Variants in CRISPLD2 observed in about 807,000 individuals in gnomAD.
CRISPLD2 encodes cysteine rich secretory protein LCCL domain containing 2.
In CRISPLD2, 47 loss-of-function variants were observed where a neutral mutation model predicts 71.1. That is an observed-to-expected ratio of 0.66 (90% confidence interval 0.52 to 0.84). CRISPLD2 has a LOEUF of 0.84. Ranked by LOEUF, CRISPLD2 falls within the 40% of genes least tolerant of loss-of-function variation. The pLI is 0.00. For missense variants in CRISPLD2, 830 were observed against 651.1 expected (o/e 1.27, Z -2.99); for synonymous variants, 317 against 250.1 (o/e 1.27, Z -2.52).
Position 84,845,831 on chromosome 16 carries a change from C to G in CRISPLD2, c.286C>G (p.Gln96Glu), listed in dbSNP as rs1916898488. The G allele has an allele frequency of 6.2e-7, 1 of 1,614,054 alleles. No homozygotes were observed. The highest frequency in any genetic ancestry group is 8.5e-7 in the Non-Finnish European group (1 of 1,179,932). ...GAAGTCTGCTGCAGCGTGGGCCAGT[C>G]AGTGCATCTGGGAGCACGGGCCCAC... ...LEKSAAAWAS[Q>E]CIWEHGPTSL... The change falls in exon 3 of 15, where the codon CAG becomes GAG. Residue 96 changes from glutamine (Q) to glutamate (E), a missense_variant. By Grantham distance (29) the Gln-to-Glu change is conservative (BLOSUM62 2). Transcript: ENST00000262424.
intron 1 of CRISPLD2, among the ~76,000 whole-genome samples, chr16:84,829,809 C>T (rs1258124324): frequency 6.6e-6 from 1 of 152,220 alleles, no homozygotes. Context: ...GGGCTATTGT[C>T]ACAGTGGCCT....
intron 13 of CRISPLD2, among the ~76,000 whole-genome samples, chr16:84,887,781 CAG>C (rs1458793854): frequency 6.6e-6 from 1 of 152,118 alleles, no homozygotes; most frequent in African/African-American, 2.4e-5. Flanking sequence ...GAGGCTGAGG[CAG>C]AAGAACCACT....
chr16:84,884,758 C>G (rs1030336270), intron 13 of CRISPLD2, among the ~76,000 whole-genome samples: 122 of 152,184 alleles, frequency 8.0e-4, no homozygotes, highest in African/African-American at 2.8e-3. Flanking sequence ...CGCCCTGCAG[C>G]TTGATGTTAT....
intron 12 of CRISPLD2, among the ~76,000 whole-genome samples, chr16:84,878,877 T>C (rs995335142): frequency 1.3e-5 from 2 of 152,202 alleles, no homozygotes; most frequent in Non-Finnish European, 2.9e-5. Flanking sequence ...CTTAGCTCCA[T>C]TGTAGAATTA....
chr16:84,897,399 G>A (rs1361901837), intron 14 of CRISPLD2, among the ~76,000 whole-genome samples: 1 of 152,084 alleles, frequency 6.6e-6, no homozygotes, highest in East Asian at 1.9e-4. Flanking sequence ...AGGCTACAGT[G>A]AGTGGAGATT....
At chr16:84,867,541 C>T (rs975277859) in intron 7 of CRISPLD2, among the ~76,000 whole-genome samples, 3 of 152,214 alleles carry the variant, frequency 2.0e-5, no homozygotes, top group Non-Finnish European at 2.9e-5. Context: ...TGAGGTCTCC[C>T]TGTACATTGA....
At chr16:84,833,861 A>G (rs1479913435) in intron 1 of CRISPLD2, among the ~76,000 whole-genome samples, 1 of 152,168 alleles carries the variant, frequency 6.6e-6, no homozygotes, top group African/African-American at 2.4e-5. Flanking sequence ...TGACTCCCCC[A>G]GCCCAGCAGC....
At position 84,906,693 on chromosome 16, in the gene CRISPLD2, T is replaced by A. The variant is rs760553173; in HGVS notation, c.*51T>A. 1.9e-6 allele frequency: 3 copies of A among 1,602,038 alleles called. No individual in the cohort carries two copies. Among genetic ancestry groups the A allele is most frequent in the Non-Finnish European group, 2.6e-6 (3 of 1,169,064 alleles). ...CGTCTTCAGGAGGGCTTCGGGGTTT[T>A]GCTTTTATTTTTATTTTGTCATTGC... On this transcript the variant is annotated 3_prime_UTR_variant, in exon 15 of 15. Transcript: ENST00000262424.
At chr16:84,869,148 C>T (rs2071443316) in intron 8 of CRISPLD2, among the ~76,000 whole-genome samples, 1 of 152,184 alleles carries the variant, frequency 6.6e-6, no homozygotes, top group South Asian at 2.1e-4. Flanking sequence ...CCAGTGGGCC[C>T]CACCAGACAG....
intron 1 of CRISPLD2, among the ~76,000 whole-genome samples, chr16:84,835,311 A>G (rs1916591413): frequency 6.6e-6 from 1 of 151,986 alleles, no homozygotes; most frequent in East Asian, 1.9e-4. Flanking sequence ...GCTGGTGTCG[A>G]ACTTCTCAGG....
At chr16:84,846,253 C>T (rs1597454834) in intron 3 of CRISPLD2, 1 of 202,478 alleles carries the variant, frequency 4.9e-6, no homozygotes, top group Admixed American at 5.6e-5. Context: ...CTCCCCTCCC[C>T]TTCCCTTCCT....
intron 1 of CRISPLD2, among the ~76,000 whole-genome samples, chr16:84,832,530 G>A (rs766837039): frequency 1.3e-5 from 2 of 152,264 alleles, no homozygotes; most frequent in South Asian, 2.1e-4. Context: ...AGACATCGAC[G>A]CTTCGGCGGT....
In CRISPLD2 at chr16:84,868,920, G is replaced by C; in HGVS notation, c.914+9G>C. The C allele has an allele frequency of 1.3e-6, 2 of 1,529,156 alleles. No homozygotes were observed. Among genetic ancestry groups the C allele is most frequent in the Non-Finnish European group, 1.8e-6 (2 of 1,117,166 alleles). 94.7% of individuals were successfully genotyped at this position (1,529,156 alleles called of 1,614,324 possible). Reference sequence around the variant, plus strand: ...GGGTCCACGTGTAACAGGTGAGCCTGTGCTGGGCTGTCCTGCCACTGTAGC... The same window carrying C: ...GGGTCCACGTGTAACAGGTGAGCCTCTGCTGGGCTGTCCTGCCACTGTAGC... On this transcript the variant is annotated intron_variant, in intron 8 of 14. Transcript: ENST00000262424.
chr16:84,886,430 G>A (rs995782432), intron 13 of CRISPLD2, among the ~76,000 whole-genome samples: 1 of 152,182 alleles, frequency 6.6e-6, no homozygotes, highest in Non-Finnish European at 1.5e-5. Flanking sequence ...GCCAGGGATG[G>A]TGGTGGGCTG....
chr16:84,877,294 G>T lies in CRISPLD2; in HGVS notation c.1157-144G>T, dbSNP rs556781210. 39 of 616,702 alleles carry T rather than the reference G, an allele frequency of 6.3e-5. 1 individual carries two copies. In the South Asian group the frequency reaches 8.9e-4, roughly 14 times the overall value. The allele number at this position is 616,702 out of a possible 1,614,324, so 38.2% of individuals were successfully genotyped here. A position where few individuals can be genotyped will look rare whatever the true frequency, so the allele number is the denominator to read the frequency against. ...AGTGCCCCTACGTGGGGTACGAGGA[G>T]CCTGCTGGGTCGTAGTCCCAGCTCT... On this transcript the variant is annotated intron_variant, in intron 11 of 14. Coordinates refer to ENST00000262424, the MANE Select transcript of CRISPLD2 (RefSeq NM_031476.4).
chr16:84,855,028 G>C (rs751713335), intron 6 of CRISPLD2, among the ~76,000 whole-genome samples, 199 bp downstream of exon 6: 5 of 152,154 alleles, frequency 3.3e-5, no homozygotes, highest in Non-Finnish European at 5.9e-5. Flanking sequence ...CCAGGCCCCT[G>C]GAGAGCCCCA....
At chr16:84,896,054 T>C (rs1173095264) in intron 14 of CRISPLD2, among the ~76,000 whole-genome samples, 1 of 151,822 alleles carries the variant, frequency 6.6e-6, no homozygotes. Context: ...TTTTTTTTTT[T>C]TGGAGATGGA....
chr16:84,873,893 GTTTTTTTTTTT>G lies in CRISPLD2; in HGVS notation c.1113-17_1113-7del. On this transcript the variant is annotated splice_polypyrimidine_tract_variant and intron_variant, in intron 10 of 14. Transcript: ENST00000262424. ...TTCTATTTGCATTTACCTAATGCCC[GTTTTTTTTTTT>G]TTTTTTTTTAAACAGCAAATACAAA... 2.1e-6 allele frequency: 3 copies of G among 1,419,646 alleles called. No homozygotes were observed. The highest frequency in any genetic ancestry group is 2.8e-6 in the Non-Finnish European group (3 of 1,057,288). The allele number at this position is 1,419,646 out of a possible 1,614,324, so 87.9% of individuals were successfully genotyped here.
At chr16:84,880,009 A>G (rs1035702063) in intron 12 of CRISPLD2, among the ~76,000 whole-genome samples, 5 of 152,182 alleles carry the variant, frequency 3.3e-5, no homozygotes, top group African/African-American at 1.2e-4. Flanking sequence ...ACTGACACAC[A>G]GTGATCTAAC....
Sources: gnomAD v4.1 joint callset for allele counts (sites outside exome capture counted in the v4.1 genomes callset) on GRCh38, gnomAD v4.1.1 for gene constraint, MANE v1.5 for transcripts, NCBI Gene and HGNC (gene_info 2026-07-23, HGNC 2026-07-21) for gene names.